ROBO2: variants seen among roughly 807,000 people sequenced by gnomAD.
The protein encoded by ROBO2 is roundabout guidance receptor 2, also known as roundabout homolog 2.
ROBO2 carries 53 observed loss-of-function variants against 160.8 expected under a neutral mutation model. That is an observed-to-expected ratio of 0.33 (90% CI 0.26 to 0.41). ROBO2 has a LOEUF of 0.41. ROBO2 is among the 10% of genes least tolerant of loss of function. ROBO2 has a pLI of 1.00. For synonymous variants in ROBO2, 664 were observed against 611.7 expected, an observed-to-expected ratio of 1.09 and a Z score of -1.26; for missense variants, 1,577 against 1,722.4, an observed-to-expected ratio of 0.92 and a Z score of 1.49.
intron 2 of ROBO2, among the ~76,000 whole-genome samples, chr3:76,035,303 A>T (rs905640236): frequency 5.9e-5 from 9 of 151,690 alleles, no homozygotes; most frequent in African/African-American, 2.2e-4. Context: ...CCCTTTTGAT[A>T]CTGAGTCTTC....
At chr3:76,913,547 G>A (rs2076118361) in intron 2 of ROBO2, among the ~76,000 whole-genome samples, 1 of 152,118 alleles carries the variant, frequency 6.6e-6, no homozygotes, top group Non-Finnish European at 1.5e-5. Context: ...CTACATCTAA[G>A]AGTATTTTTT....
chr3:77,388,531 T>G (rs1176196458), intron 2 of ROBO2, among the ~76,000 whole-genome samples: 1 of 152,218 alleles, frequency 6.6e-6, no homozygotes, highest in Non-Finnish European at 1.5e-5. Context: ...TTTTTAAAGT[T>G]TGTTTTTGGC....
chr3:76,549,514 A>C (rs1362097368), intron 2 of ROBO2, among the ~76,000 whole-genome samples: 2 of 152,216 alleles, frequency 1.3e-5, no homozygotes, highest in African/African-American at 4.8e-5. Context: ...TTTTTAAATT[A>C]AAGTACTTAG....
At chr3:77,119,788 C>G (rs574364893) in intron 2 of ROBO2, among the ~76,000 whole-genome samples, 2 of 152,310 alleles carry the variant, frequency 1.3e-5, no homozygotes, top group African/African-American at 4.8e-5. Context: ...TTTAGAGGCT[C>G]TGGACTGGCA....
chr3:77,141,818 T>C (rs1277322795), intron 2 of ROBO2, among the ~76,000 whole-genome samples: 2 of 152,216 alleles, frequency 1.3e-5, no homozygotes, highest in African/African-American at 4.8e-5. Flanking sequence ...TACTGAATGA[T>C]TTTTCATTTC....
intron 2 of ROBO2, among the ~76,000 whole-genome samples, chr3:76,092,741 G>C (rs2108105227): frequency 6.6e-6 from 1 of 152,210 alleles, no homozygotes; most frequent in South Asian, 2.1e-4. Flanking sequence ...TTTAAGAATT[G>C]TTGCCAGGTC....
chr3:76,555,968 G>A (rs1441215209), intron 2 of ROBO2, among the ~76,000 whole-genome samples: 1 of 152,048 alleles, frequency 6.6e-6, no homozygotes, highest in East Asian at 1.9e-4. Context: ...GTGGGCATCT[G>A]TAATCTGAGC....
At chr3:77,402,967 C>T (rs2075943604) in intron 2 of ROBO2, among the ~76,000 whole-genome samples, 1 of 152,114 alleles carries the variant, frequency 6.6e-6, no homozygotes, top group African/African-American at 2.4e-5. Context: ...GCCTTATGCC[C>T]CTCAGTTGAA....
At chr3:75,923,139 G>GT (rs961372978) in intron 1 of ROBO2, among the ~76,000 whole-genome samples, 56 of 151,844 alleles carry the variant, frequency 3.7e-4, no homozygotes, top group South Asian at 6.2e-4. Context: ...ATAGAGGAAG[G>GT]TTTTTTTTTA....
At chr3:76,014,266 G>A (rs920689741) in intron 2 of ROBO2, among the ~76,000 whole-genome samples, 1 of 133,378 alleles carries the variant, frequency 7.5e-6, no homozygotes. Flanking sequence ...AATCCCAGAA[G>A]TAATATGCAT....
At chr3:77,593,158 A>T (rs2153686268) in intron 17 of ROBO2, among the ~76,000 whole-genome samples, 1 of 151,994 alleles carries the variant, frequency 6.6e-6, no homozygotes. Context: ...AATGATATTC[A>T]CACCATTATC....
chr3:77,282,881 TATAA>T (rs773290168), intron 2 of ROBO2, among the ~76,000 whole-genome samples: 3 of 151,944 alleles, frequency 2.0e-5, no homozygotes, highest in Non-Finnish European at 4.4e-5. Context: ...ATAAAGTTTT[TATAA>T]ATGAAATAGA....
intron 2 of ROBO2, among the ~76,000 whole-genome samples, chr3:77,416,655 T>A (rs2153527942): frequency 6.8e-6 from 1 of 147,096 alleles, no homozygotes; most frequent in Non-Finnish European, 1.5e-5. Context: ...AGGCAGAGGT[T>A]GCAGTGAGCC....
chr3:77,192,419 A>C (rs2081937986), intron 2 of ROBO2, among the ~76,000 whole-genome samples: 1 of 152,154 alleles, frequency 6.6e-6, no homozygotes, highest in Non-Finnish European at 1.5e-5. Flanking sequence ...TTCCTATAGA[A>C]TAAGTATAAC....
At chr3:77,339,822 T>C (rs2066876180) in intron 2 of ROBO2, among the ~76,000 whole-genome samples, 1 of 152,054 alleles carries the variant, frequency 6.6e-6, no homozygotes, top group African/African-American at 2.4e-5. Flanking sequence ...AGGATTTTTT[T>C]CCCCTTTCCA....
At chr3:76,732,387 A>G (rs2093650422) in intron 2 of ROBO2, among the ~76,000 whole-genome samples, 1 of 152,136 alleles carries the variant, frequency 6.6e-6, no homozygotes, top group Admixed American at 6.5e-5. Flanking sequence ...TTCTAGGGGA[A>G]TTATTGGAGG....
intron 7 of ROBO2, 52 bp downstream of exon 8, chr3:77,546,514 C>T (rs776202245): frequency 3.1e-6 from 5 of 1,605,974 alleles, no homozygotes; most frequent in Non-Finnish European, 4.3e-6. Context: ...TCTACTGTCT[C>T]TGCTGCTCCT....
chr3:76,306,605 A>G lies in ROBO2; in HGVS notation c.109+369003A>G, dbSNP rs187704181. On this transcript the variant is annotated intron_variant, in intron 2 of 26. Transcript: ENST00000487694. ...CAGACAAAATCAAACTTCAAATGAC[A>G]TATTTAAAGAAGAGAGCTTAAACGC... 9.2e-5 allele frequency among the ~76,000 whole-genome samples: 14 copies of G among 152,310 alleles called. No individual in the cohort carries two copies. In the East Asian group the frequency reaches 2.7e-3, roughly 29 times the overall value.
At chr3:76,916,928 G>C (rs2076352540) in intron 2 of ROBO2, among the ~76,000 whole-genome samples, 1 of 152,010 alleles carries the variant, frequency 6.6e-6, no homozygotes, top group Non-Finnish European at 1.5e-5. Context: ...GTCCATTTGA[G>C]GAACAGAGAA....
Sources: gnomAD v4.1 joint callset for allele counts (sites outside exome capture counted in the v4.1 genomes callset) on GRCh38, gnomAD v4.1.1 for gene constraint, MANE v1.5 for transcripts, NCBI Gene and HGNC (gene_info 2026-07-23, HGNC 2026-07-21) for gene names.